The following CTNNA2 variants were observed in gnomAD, a reference collection of about 807,000 sequenced individuals.
CTNNA2 encodes the protein catenin alpha 2, also known as catenin alpha-2.
A neutral mutation model predicts 101.0 loss-of-function variants in CTNNA2; 42 were observed. The observed-to-expected ratio is 0.42, with a 90% confidence interval of 0.32 to 0.54. CTNNA2 has a LOEUF of 0.54. Among genes scored for constraint, CTNNA2 ranks in the 20% least tolerant of loss-of-function variants. The pLI is 0.14. For missense variants in CTNNA2, 871 were observed against 1,223.1 expected (o/e 0.71, Z 4.29); for synonymous variants, 450 against 456.4 (o/e 0.99, Z 0.18).
chr2:80,475,793 A>G (rs1685682431), intron 9 of CTNNA2, among the ~76,000 whole-genome samples: 1 of 152,218 alleles, frequency 6.6e-6, no homozygotes, highest in African/African-American at 2.4e-5. Context: ...GGAAATGATT[A>G]CAGTACACAG....
chr2:80,295,854 T>C (rs896407090), intron 7 of CTNNA2, among the ~76,000 whole-genome samples: 2 of 152,206 alleles, frequency 1.3e-5, no homozygotes, highest in African/African-American at 4.8e-5. Context: ...TTCTTTTAAG[T>C]GAATTCTCTA....
intron 1 of CTNNA2, among the ~76,000 whole-genome samples, chr2:79,575,293 T>C (rs1203120159): frequency 2.6e-5 from 4 of 152,172 alleles, no homozygotes; most frequent in Non-Finnish European, 2.9e-5. Context: ...AACATTCTCA[T>C]AGCAGAAAGA....
chr2:80,256,776 C>T (rs966740118), intron 7 of CTNNA2, among the ~76,000 whole-genome samples: 2 of 152,110 alleles, frequency 1.3e-5, no homozygotes, highest in Non-Finnish European at 2.9e-5. Flanking sequence ...TGAAGCCAGA[C>T]GTAGGACAGA....
intron 2 of CTNNA2, among the ~76,000 whole-genome samples, chr2:79,695,541 A>G (rs1403870533): frequency 2.0e-5 from 3 of 152,018 alleles, no homozygotes; most frequent in South Asian, 4.1e-4. Context: ...AAGCCTCTCC[A>G]TGGGTCCCAT....
At chr2:80,420,423 G>A (rs1218570915) in intron 9 of CTNNA2, among the ~76,000 whole-genome samples, 2 of 152,192 alleles carry the variant, frequency 1.3e-5, no homozygotes, top group Middle Eastern at 3.4e-3. Context: ...TTAGGGCCAG[G>A]TTAAACTTTT....
intron 12 of CTNNA2, among the ~76,000 whole-genome samples, chr2:80,556,708 A>G (rs983102912): frequency 7.0e-6 from 1 of 143,136 alleles, no homozygotes; most frequent in Non-Finnish European, 1.6e-5. Flanking sequence ...GCCTTGATTT[A>G]TATATATGAG....
rs555646655 is a variant in CTNNA2 at position 79,825,451 on chromosome 2, T to C, written c.299-32562T>C. 4.0e-5 allele frequency among the ~76,000 whole-genome samples: 6 copies of C among 151,862 alleles called. No homozygotes were observed. The South Asian group carries it at 1.2e-3, about 32-fold the overall frequency. ...AATAAAGTGTGGTGTATATAAAATA[T>C]GGAGGTTGCGAGGGGAAAAAAAAAT... is the stretch of plus-strand genomic sequence containing the variant. On this transcript the variant is annotated intron_variant, in intron 3 of 18. Coordinates refer to ENST00000402739, the MANE Select transcript of CTNNA2 (RefSeq NM_001282597.3).
chr2:80,237,828 C>T (rs919348250), intron 7 of CTNNA2, among the ~76,000 whole-genome samples: 1 of 152,058 alleles, frequency 6.6e-6, no homozygotes, highest in African/African-American at 2.4e-5. Flanking sequence ...ACTCTATATC[C>T]TGGGCAAAGT....
intron 8 of CTNNA2, among the ~76,000 whole-genome samples, chr2:80,410,002 A>G (rs963786542): frequency 6.6e-6 from 1 of 152,242 alleles, no homozygotes; most frequent in Non-Finnish European, 1.5e-5. Flanking sequence ...TGAGGCACAC[A>G]GCCTTCAAAG....
chr2:79,650,564 T>A (rs1379473834), intron 1 of CTNNA2, among the ~76,000 whole-genome samples: 3 of 151,876 alleles, frequency 2.0e-5, no homozygotes, highest in Non-Finnish European at 2.9e-5. Flanking sequence ...TGTTGTTCTC[T>A]CCAGACTGAC....
At chr2:80,535,573 T>C (rs745476806) in intron 9 of CTNNA2, among the ~76,000 whole-genome samples, 4 of 152,210 alleles carry the variant, frequency 2.6e-5, no homozygotes, top group Non-Finnish European at 5.9e-5. Flanking sequence ...GCTGCTTGAC[T>C]GCAAAGGCCA....
intron 2 of CTNNA2, among the ~76,000 whole-genome samples, chr2:79,255,440 A>T (rs1311184873): frequency 1.3e-5 from 2 of 152,222 alleles, no homozygotes; most frequent in East Asian, 3.9e-4. Flanking sequence ...TGAAAATAAG[A>T]CATCAGCTCT....
intron 7 of CTNNA2, among the ~76,000 whole-genome samples, chr2:80,026,920 G>A (rs1322652446): frequency 6.6e-6 from 1 of 152,132 alleles, no homozygotes; most frequent in African/African-American, 2.4e-5. Flanking sequence ...TCTGGCATCT[G>A]GGAATTCAGC....
At chr2:80,247,144 T>C (rs750320817) in intron 7 of CTNNA2, among the ~76,000 whole-genome samples, 4 of 152,150 alleles carry the variant, frequency 2.6e-5, no homozygotes, top group Non-Finnish European at 4.4e-5. Context: ...GAGAAAGCTT[T>C]AAGATCTTGA....
In CTNNA2 at chr2:80,309,691, A is replaced by G. The variant is rs996489766; in HGVS notation, c.1057-83520A>G. 9.7e-5 allele frequency among the ~76,000 whole-genome samples: 13 copies of G among 134,666 alleles called. No individual in the cohort carries two copies. The East Asian group carries it at 2.2e-3, about 23-fold the overall frequency. 88.3% of individuals were successfully genotyped at this position (134,666 alleles called of 152,430 possible). ...ATTTTTGTCACTTCTGTGTTTCTCT[A>G]TTTACATTTTTTTTTGTTTTTGAGA... On this transcript the variant is annotated intron_variant, in intron 7 of 18. Coordinates refer to ENST00000402739, the MANE Select transcript of CTNNA2 (RefSeq NM_001282597.3).
At chr2:79,692,923 G>T (rs1684412134) in intron 2 of CTNNA2, among the ~76,000 whole-genome samples, 1 of 151,852 alleles carries the variant, frequency 6.6e-6, no homozygotes, top group Middle Eastern at 3.4e-3. Flanking sequence ...ACCTAATGTA[G>T]ATGATGGGTT....
intron 3 of CTNNA2, among the ~76,000 whole-genome samples, chr2:79,845,638 C>T (rs538898637): frequency 6.6e-6 from 1 of 152,040 alleles, no homozygotes; most frequent in African/African-American, 2.4e-5. Context: ...GGAGAGAAGC[C>T]CATCTGAGAT....
intron 7 of CTNNA2, among the ~76,000 whole-genome samples, chr2:80,089,144 C>A (rs971154519): frequency 2.0e-5 from 3 of 151,978 alleles, no homozygotes; most frequent in Non-Finnish European, 4.4e-5. Flanking sequence ...CCCTCCTTAG[C>A]TGGTTTTTCT....
At chr2:79,575,486 C>G (rs764142970) in intron 1 of CTNNA2, 7 of 152,042 alleles carry the variant, frequency 4.6e-5, no homozygotes, top group Non-Finnish European at 1.0e-4. Flanking sequence ...GATCTCGTTG[C>G]TATAGAGAGT....
Sources: allele counts gnomAD v4.1 joint callset (sites outside exome capture counted in the v4.1 genomes callset), GRCh38; gene constraint gnomAD v4.1.1; transcripts MANE v1.5; gene names NCBI Gene and HGNC (gene_info 2026-07-23, HGNC 2026-07-21).